Variants in PTPN4 observed in about 807,000 individuals in gnomAD.
PTPN4 encodes the protein protein tyrosine phosphatase non-receptor type 4, also known as tyrosine-protein phosphatase non-receptor type 4.
PTPN4 carries 49 observed loss-of-function variants against 135.5 expected under a neutral mutation model. The observed-to-expected ratio is 0.36, with a 90% confidence interval of 0.29 to 0.46. The LOEUF is 0.46. Ranked by LOEUF, PTPN4 falls within the 20% of genes least tolerant of loss-of-function variation. The probability of loss-of-function intolerance (pLI) is 1.00; values close to 1 mark genes in which losing one functional copy is unlikely to be tolerated. For synonymous variants in PTPN4, 333 were observed against 369.9 expected (o/e 0.90, Z 1.14); for missense variants, 860 against 1,101.0 (o/e 0.78, Z 3.10).
At chr2:119,972,353 G>A (rs552746864) in intron 26 of PTPN4, among the ~76,000 whole-genome samples, 25 of 152,202 alleles carry the variant, frequency 1.6e-4, no homozygotes, top group Non-Finnish European at 3.2e-4. Flanking sequence ...CAAGTCTTGC[G>A]TTTATTTAAA....
chr2:119,845,819 C>A (rs1677490261), intron 2 of PTPN4, among the ~76,000 whole-genome samples: 1 of 152,036 alleles, frequency 6.6e-6, no homozygotes. Flanking sequence ...TTTTGTTATG[C>A]AGTCATTTGT....
intron 1 of PTPN4, among the ~76,000 whole-genome samples, chr2:119,800,492 G>A (rs1295974093): frequency 6.9e-6 from 1 of 145,530 alleles, no homozygotes; most frequent in East Asian, 2.0e-4. Flanking sequence ...CATATTCTGA[G>A]TACTAGTCTA....
intron 2 of PTPN4, among the ~76,000 whole-genome samples, chr2:119,839,123 T>C (rs1026330667): frequency 1.3e-5 from 2 of 152,318 alleles, no homozygotes; most frequent in East Asian, 1.9e-4. Flanking sequence ...AAGGGTTTTT[T>C]CCCCTATGGC....
intron 1 of PTPN4, among the ~76,000 whole-genome samples, chr2:119,769,920 T>C (rs1407328112): frequency 6.6e-6 from 1 of 152,244 alleles, no homozygotes; most frequent in Non-Finnish European, 1.5e-5. Flanking sequence ...TTTAGTTAAA[T>C]TTGTATCTTG....
intron 26 of PTPN4, among the ~76,000 whole-genome samples, chr2:119,968,619 G>C (rs992477132): frequency 6.6e-6 from 1 of 152,078 alleles, no homozygotes; most frequent in Non-Finnish European, 1.5e-5. Context: ...GTGAAACCCC[G>C]TCTCTACTAA....
At chr2:119,960,217 T>TA (rs1010194599) in intron 22 of PTPN4, among the ~76,000 whole-genome samples, 3 of 152,076 alleles carry the variant, frequency 2.0e-5, no homozygotes, top group Admixed American at 6.6e-5. Context: ...ATCACCTTTT[T>TA]AAAAAAAATT....
At chr2:119,782,437 A>G (rs184770984) in intron 1 of PTPN4, among the ~76,000 whole-genome samples, 6 of 152,250 alleles carry the variant, frequency 3.9e-5, no homozygotes, top group African/African-American at 1.4e-4. Context: ...AAAGAAAAAA[A>G]AATTCTTAAG....
chr2:119,838,620 G>A (rs2032973017), intron 2 of PTPN4, among the ~76,000 whole-genome samples: 1 of 152,152 alleles, frequency 6.6e-6, no homozygotes, highest in Non-Finnish European at 1.5e-5. Flanking sequence ...GATCTGTCGG[G>A]ACCAGTCTCT....
Position 119,926,650 on chromosome 2 carries a change from G to T in PTPN4, c.1054G>T (p.Asp352Tyr), listed in dbSNP as rs1162640558. The T allele has an allele frequency of 6.2e-7, 1 of 1,603,904 alleles. No homozygotes were observed. Among genetic ancestry groups the T allele is most frequent in the Non-Finnish European group, 8.5e-7 (1 of 1,173,384 alleles). ...GTATGGCAAAGAAAAGGCAAATAAA[G>T]ACAGGGTATTTGCAAGGTAAGCCAA... is the stretch of plus-strand genomic sequence containing the variant. The part of the protein sequence containing the change: ...VQYGKEKANK[D>Y]RVFARSPSKP... The change falls in exon 13 of 27, where the codon GAC becomes TAC. Residue 352 changes from aspartate (D) to tyrosine (Y), a missense_variant. By Grantham distance (160) the Asp-to-Tyr change is radical. Coordinates refer to ENST00000263708, the MANE Select transcript of PTPN4 (RefSeq NM_002830.4).
intron 2 of PTPN4, among the ~76,000 whole-genome samples, chr2:119,857,001 GAGTAAAATGAGTAGTTCTTACTC>G (rs1263049647): frequency 3.3e-5 from 5 of 152,178 alleles, no homozygotes; most frequent in Non-Finnish European, 7.3e-5. Flanking sequence ...GGGTGAGACT[GAGTAAAATGAGTAGTTCTTACTC>G]AGTTACTTAT....
intron 2 of PTPN4, among the ~76,000 whole-genome samples, chr2:119,846,715 TA>T (rs1677503893): frequency 6.6e-6 from 1 of 152,074 alleles, no homozygotes. Context: ...ATTCAGTGCA[TA>T]TTTTCTTGTG....
chr2:119,868,300 T>C (rs1677861040), intron 3 of PTPN4, among the ~76,000 whole-genome samples: 1 of 152,202 alleles, frequency 6.6e-6, no homozygotes. Context: ...TCCACTAGAA[T>C]AATTAAAATT....
intron 9 of PTPN4, among the ~76,000 whole-genome samples, chr2:119,886,861 T>TA (rs1476179107): frequency 6.6e-6 from 1 of 152,192 alleles, no homozygotes; most frequent in African/African-American, 2.4e-5. Context: ...ATCTTTCCTT[T>TA]AAAAGACCAG....
chr2:119,937,957 CA>C (rs75089215), intron 15 of PTPN4, among the ~76,000 whole-genome samples: 3,576 of 129,750 alleles, frequency 0.028, 59 homozygotes, highest in Non-Finnish European at 0.041. Context: ...AAACCAAAAC[CA>C]AAAAAAAAAA....
At chr2:119,812,953 A>G (rs980777520) in intron 2 of PTPN4, among the ~76,000 whole-genome samples, 8 of 152,174 alleles carry the variant, frequency 5.3e-5, no homozygotes, top group Non-Finnish European at 7.3e-5. Context: ...GGACCAGCCT[A>G]TTTTAGTTAC....
At chr2:119,873,864 G>A (rs1266642437) in intron 3 of PTPN4, among the ~76,000 whole-genome samples, 2 of 152,120 alleles carry the variant, frequency 1.3e-5, no homozygotes, top group Non-Finnish European at 2.9e-5. Flanking sequence ...TAACCCCAAT[G>A]CTCATTTATA....
Position 119,862,516 on chromosome 2 carries a change from A to AT in PTPN4, c.139-5dup, listed in dbSNP as rs746106466. ...AACCTATCAAAGTTGATTTCATTCA[A>AT]TTTTTTTTTTTTTTTACAGAAACAT... On this transcript the variant is annotated intron_variant, in intron 2 of 26. Coordinates refer to ENST00000263708, the MANE Select transcript of PTPN4 (RefSeq NM_002830.4). The AT allele has an allele frequency of 0.17, 209,563 of 1,256,386 alleles. 2 individuals are homozygous for AT. Among genetic ancestry groups the AT allele is most frequent in the Non-Finnish European group, 0.18 (160,784 of 908,058 alleles). 77.8% of individuals were successfully genotyped at this position (1,256,386 alleles called of 1,614,324 possible).
At chr2:119,951,775 T>C (rs915776333) in intron 18 of PTPN4, among the ~76,000 whole-genome samples, 198 bp from the exon 19 acceptor site, 1 of 152,176 alleles carries the variant, frequency 6.6e-6, no homozygotes, top group Non-Finnish European at 1.5e-5. Flanking sequence ...AGGAAAGAAA[T>C]TGTTGCATGA....
chr2:119,969,975 C>G (rs959531541), intron 26 of PTPN4, among the ~76,000 whole-genome samples: 1 of 152,228 alleles, frequency 6.6e-6, no homozygotes, highest in African/African-American at 2.4e-5. Flanking sequence ...CCATAAAATT[C>G]AGCCGCTTAA....
Sources: gnomAD v4.1 joint callset for allele counts (sites outside exome capture counted in the v4.1 genomes callset) on GRCh38, gnomAD v4.1.1 for gene constraint, MANE v1.5 for transcripts, NCBI Gene and HGNC (gene_info 2026-07-23, HGNC 2026-07-21) for gene names.